ROBO1: variants seen among roughly 807,000 people sequenced by gnomAD.
ROBO1 encodes the protein roundabout homolog 1.
Under a neutral mutation model 195.9 loss-of-function variants are expected in ROBO1, and 149 were observed. The observed-to-expected ratio is 0.76, with a 90% CI of 0.67 to 0.87. ROBO1 has a LOEUF of 0.87. ROBO1 is among the 40% of genes least tolerant of loss of function. The pLI is 0.00. For synonymous variants in ROBO1, 816 were observed against 733.2 expected (o/e 1.11, Z -1.82); for missense variants, 1,933 against 2,068.3 (o/e 0.93, Z 1.27).
intron 2 of ROBO1, among the ~76,000 whole-genome samples, chr3:79,545,012 G>A (rs1466878666): frequency 6.6e-6 from 1 of 152,002 alleles, no homozygotes; most frequent in African/African-American, 2.4e-5. Context: ...GCTATTTGAT[G>A]ATGATTTCTT....
intron 4 of ROBO1, among the ~76,000 whole-genome samples, chr3:78,782,979 T>C (rs1043990992): frequency 1.3e-5 from 2 of 152,172 alleles, no homozygotes; most frequent in Non-Finnish European, 2.9e-5. Context: ...TGCTGGGCAA[T>C]CATATAGGCA....
intron 1 of ROBO1, among the ~76,000 whole-genome samples, chr3:79,706,668 G>T (rs1286041875): frequency 6.6e-6 from 1 of 151,984 alleles, no homozygotes; most frequent in Non-Finnish European, 1.5e-5. Flanking sequence ...GGGGGCGGGG[G>T]TAGTTTCCCT....
chr3:79,002,795 CA>C (rs1332409173), intron 3 of ROBO1, among the ~76,000 whole-genome samples: 1 of 152,058 alleles, frequency 6.6e-6, no homozygotes, highest in African/African-American at 2.4e-5. Flanking sequence ...TCTCGGGATT[CA>C]AAAACATTTT....
rs137910684 is a variant in ROBO1, at chr3:79,215,586, C to T, written c.89-90047G>A. Among the ~76,000 whole-genome samples, 185 of 152,236 alleles carry T rather than the reference C, an allele frequency of 1.2e-3. 1 individual carries two copies. Among genetic ancestry groups the T allele is most frequent in the African/African-American group, 4.3e-3 (179 of 41,550 alleles). ...TCTCCAGGACATCAAGGATTATGGT[C>T]GTTCTCCTCAAGGGCCTGACAAGAC... On this transcript the variant is annotated intron_variant, in intron 2 of 30. Coordinates refer to ENST00000464233, the MANE Select transcript of ROBO1 (RefSeq NM_002941.4).
intron 3 of ROBO1, among the ~76,000 whole-genome samples, chr3:79,052,514 A>T (rs1439821561): frequency 6.6e-6 from 1 of 151,920 alleles, no homozygotes; most frequent in Admixed American, 6.6e-5. Flanking sequence ...GATCTCTGTG[A>T]CCCACTCCCT....
intron 3 of ROBO1, among the ~76,000 whole-genome samples, chr3:78,967,842 G>A (rs955442730): frequency 2.6e-5 from 4 of 151,990 alleles, no homozygotes; most frequent in African/African-American, 9.7e-5. Context: ...AAATTAAATG[G>A]TATCTTTAAA....
At chr3:79,452,667 T>C in intron 2 of ROBO1, among the ~76,000 whole-genome samples, 1 of 152,250 alleles carries the variant, frequency 6.6e-6, no homozygotes, top group South Asian at 2.1e-4. Context: ...ATTTCTAAAA[T>C]TGGTATATTA....
chr3:79,441,192 C>T (rs2039043348), intron 2 of ROBO1, among the ~76,000 whole-genome samples: 1 of 152,088 alleles, frequency 6.6e-6, no homozygotes, highest in Non-Finnish European at 1.5e-5. Context: ...CAGAGAGCTT[C>T]AACCATATTT....
chr3:79,404,185 G>C (rs1270098363), intron 2 of ROBO1, among the ~76,000 whole-genome samples: 2 of 152,026 alleles, frequency 1.3e-5, no homozygotes, highest in East Asian at 3.9e-4. Flanking sequence ...ACTTTCTCCT[G>C]GTTCCCAGAT....
rs1553737703 is a variant in ROBO1, at chr3:79,412,000, G to GAGC, written c.88+177821_88+177823dup. ...CAGGAGAAGTTATCTCAGCCATCGA[G>GAGC]AGCAGCAGCATCAGTAACAGCACAG... On this transcript the variant is annotated intron_variant, in intron 2 of 30. Transcript: ENST00000464233. Among the ~76,000 whole-genome samples, 61 of 152,156 alleles carry GAGC rather than the reference G, an allele frequency of 4.0e-4. 1 individual carries two copies. The highest frequency in any genetic ancestry group is 4.4e-5 in the Non-Finnish European group (3 of 68,010).
At chr3:78,711,039 A>C (rs959421588) in intron 8 of ROBO1, among the ~76,000 whole-genome samples, 1 of 152,284 alleles carries the variant, frequency 6.6e-6, no homozygotes, top group African/African-American at 2.4e-5. Context: ...CATTCTTTTT[A>C]AAAAATACAT....
intron 4 of ROBO1, among the ~76,000 whole-genome samples, chr3:78,912,598 C>T (rs1308801872): frequency 6.6e-6 from 1 of 152,110 alleles, no homozygotes; most frequent in Non-Finnish European, 1.5e-5. Flanking sequence ...TTTTATTAAA[C>T]TTCCTTCCTT....
intron 30 of ROBO1, among the ~76,000 whole-genome samples, chr3:78,599,266 T>G (rs1703028743): frequency 1.3e-5 from 2 of 152,196 alleles, no homozygotes; most frequent in South Asian, 4.1e-4. Flanking sequence ...AATACTGGAG[T>G]TAACAGTAAG....
At chr3:79,380,478 T>A (rs1287712899) in intron 2 of ROBO1, among the ~76,000 whole-genome samples, 1 of 152,210 alleles carries the variant, frequency 6.6e-6, no homozygotes, top group African/African-American at 2.4e-5. Context: ...ATAATGTCTA[T>A]CCCTATTATG....
rs750158094 is a variant in ROBO1, at chr3:78,963,494, G to GTTTTTTTTTT, written c.173-24577_173-24568dup. Among the ~76,000 whole-genome samples, 34 of 72,318 alleles carry GTTTTTTTTTT rather than the reference G, an allele frequency of 4.7e-4. 3 individuals are homozygous for GTTTTTTTTTT. The highest frequency in any genetic ancestry group is 5.4e-4 in the Non-Finnish European group (24 of 44,042). 47.4% of individuals were successfully genotyped at this position (72,318 alleles called of 152,430 possible). A position where few individuals can be genotyped will look rare whatever the true frequency, so the allele number is the denominator to read the frequency against. ...GAGAAGATCCAGAGGAAAACCTTCA[G>GTTTTTTTTTT]TTTTTTTTTTTTTTTTTTTTTTTTT... On this transcript the variant is annotated intron_variant, in intron 3 of 30. Transcript: ENST00000464233.
chr3:78,907,237 C>T (rs147000167), intron 4 of ROBO1, among the ~76,000 whole-genome samples: 8 of 151,934 alleles, frequency 5.3e-5, no homozygotes, highest in South Asian at 2.1e-4. Flanking sequence ...TGATTTTGAC[C>T]TTGTTGGCCC....
intron 10 of ROBO1, among the ~76,000 whole-genome samples, chr3:78,679,835 A>C (rs576360162): frequency 6.6e-6 from 1 of 152,102 alleles, no homozygotes; most frequent in Non-Finnish European, 1.5e-5. Context: ...AAACTACTTT[A>C]AAGTTCATAT....
At chr3:79,740,236 A>AT (rs1703579629) in intron 1 of ROBO1, among the ~76,000 whole-genome samples, 2 of 143,644 alleles carry the variant, frequency 1.4e-5, no homozygotes, top group Non-Finnish European at 3.0e-5. Context: ...TTTATATATA[A>AT]ATATATATAT....
intron 4 of ROBO1, among the ~76,000 whole-genome samples, chr3:78,752,690 A>C (rs1290296485): frequency 1.3e-5 from 2 of 152,188 alleles, no homozygotes; most frequent in Admixed American, 1.3e-4. Flanking sequence ...GAAAACTAAA[A>C]TAATAACAAG....
Sources: allele counts gnomAD v4.1 joint callset (sites outside exome capture counted in the v4.1 genomes callset), GRCh38; gene constraint gnomAD v4.1.1; transcripts MANE v1.5; gene names NCBI Gene and HGNC (gene_info 2026-07-23, HGNC 2026-07-21).